The following KIF24 variants were observed in gnomAD, a reference collection of about 807,000 sequenced individuals.
KIF24 encodes kinesin-like protein KIF24.
A neutral mutation model predicts 118.9 loss-of-function variants in KIF24; 81 were observed. The ratio of observed to expected loss-of-function variants is 0.68; its 90% confidence interval spans 0.57 to 0.82. KIF24 has a LOEUF of 0.82. KIF24 is among the 40% of genes least tolerant of loss of function. KIF24 has a pLI of 0.00. For synonymous variants in KIF24, 599 were observed against 610.0 expected, an observed-to-expected ratio of 0.98 and a Z score of 0.27; for missense variants, 1,560 against 1,661.6, an observed-to-expected ratio of 0.94 and a Z score of 1.06.
At chr9:34,298,043 A>G (rs1656025530) in intron 3 of KIF24, among the ~76,000 whole-genome samples, 1 of 152,186 alleles carries the variant, frequency 6.6e-6, no homozygotes, top group Admixed American at 6.6e-5. Context: ...CTCTCTGATT[A>G]TGAAAAAGAC....
intron 3 of KIF24, among the ~76,000 whole-genome samples, chr9:34,297,515 C>A (rs545112855): frequency 6.6e-6 from 1 of 152,250 alleles, no homozygotes; most frequent in African/African-American, 2.4e-5. Flanking sequence ...GTAATCCCAA[C>A]ATTTTGGGAG....
intron 7 of KIF24, among the ~76,000 whole-genome samples, chr9:34,270,283 G>A (rs1363926084): frequency 6.6e-6 from 1 of 151,932 alleles, no homozygotes; most frequent in East Asian, 1.9e-4. Flanking sequence ...TTGGGAGGCT[G>A]AGGCGGGCGG....
intron 6 of KIF24, among the ~76,000 whole-genome samples, chr9:34,281,301 C>T (rs889309028): frequency 6.6e-6 from 1 of 152,208 alleles, no homozygotes; most frequent in African/African-American, 2.4e-5. Flanking sequence ...GCTGGAATTA[C>T]AGGCGTAAGC....
At position 34,256,925 on chromosome 9, in the gene KIF24, G is replaced by T. The variant is rs1834870158; in HGVS notation, c.2682C>A (p.Asp894Glu). ...TTCTGTGGTTTATGGGGTCCCTGGA[G>T]TCCACCCAGCTTTTAGTTAGATCTT... Reference protein sequence around the residue: ...DKKDLTKSWVDSRDPINHRRA... With the variant: ...DKKDLTKSWVESRDPINHRRA... Residue 894 changes from aspartate (D) to glutamate (E), a missense_variant, in exon 11 of 13, where the codon GAC becomes GAA. By Grantham distance (45) the Asp-to-Glu change is conservative. Coordinates refer to ENST00000402558, the MANE Select transcript of KIF24 (RefSeq NM_194313.4). The T allele has an allele frequency of 6.2e-7, 1 of 1,613,858 alleles. No homozygotes were observed.
intron 9 of KIF24, among the ~76,000 whole-genome samples, chr9:34,262,250 A>G (rs542371510): frequency 6.6e-6 from 1 of 152,212 alleles, no homozygotes; most frequent in Non-Finnish European, 1.5e-5. Flanking sequence ...TACACTGGAA[A>G]TAAACAGAAA....
intron 4 of KIF24, among the ~76,000 whole-genome samples, chr9:34,295,466 C>G (rs190628316): frequency 1.7e-3 from 255 of 152,138 alleles, no homozygotes; most frequent in African/African-American, 6.0e-3. Flanking sequence ...TGCTTGAGCC[C>G]AGAAATTCAA....
chr9:34,322,277 A>C (rs1007921342), intron 1 of KIF24, among the ~76,000 whole-genome samples: 3 of 152,152 alleles, frequency 2.0e-5, no homozygotes, highest in Non-Finnish European at 1.5e-5. Flanking sequence ...TATAGCAACC[A>C]ACTTTATTCA....
At position 34,311,166 on chromosome 9, in the gene KIF24, T is replaced by C; in HGVS notation, c.181A>G (p.Ile61Val). The change falls in exon 2 of 13, where the codon ATT (isoleucine) becomes GTT (valine). Residue 61 changes from isoleucine to valine, a missense_variant. Ile to Val is a conservative substitution (Grantham distance 29). Around this residue, in one of 3 missense-constraint regions of KIF24, gnomAD observed 964 missense variants for 988.0 expected, o/e 0.98. Transcript: ENST00000402558. ...RKRLFQLIKIIKIMQEEDKAV... is the reference protein window; with the variant it reads ...RKRLFQLIKIVKIMQEEDKAV... Reference sequence around the variant, plus strand: ...TTATCTTCTTCTTGCATAATCTTAATAATTTTGATAAGTTGGAAGAGACGT... The same window carrying C: ...TTATCTTCTTCTTGCATAATCTTAACAATTTTGATAAGTTGGAAGAGACGT... 2 of 1,613,520 alleles carry C rather than the reference T, an allele frequency of 1.2e-6. No homozygotes were observed. Among genetic ancestry groups the C allele is most frequent in the South Asian group, 2.2e-5 (2 of 91,040 alleles).
At position 34,318,723 on chromosome 9, in the gene KIF24, T is replaced by C; in HGVS notation, c.-25-7352A>G. On this transcript the variant is annotated intron_variant, in intron 1 of 12. Transcript: ENST00000402558. The surrounding 1 kb of genome is among the most constrained non-coding windows in gnomAD (Gnocchi z 4.9). Reference sequence around the variant, plus strand: ...GCCAAGCAGCTGAGCGACGAGGAGGTGCACGCCGGCGTGGGCGAGCCGCTG... The same window carrying C: ...GCCAAGCAGCTGAGCGACGAGGAGGCGCACGCCGGCGTGGGCGAGCCGCTG... 6.6e-7 allele frequency: 1 copy of C among 1,507,438 alleles called. No individual in the cohort carries two copies. Among genetic ancestry groups the C allele is most frequent in the East Asian group, 2.3e-5 (1 of 42,672 alleles). The allele number at this position is 1,507,438 out of a possible 1,614,324, so 93.4% of individuals were successfully genotyped here.
rs149340178 is a variant in KIF24, at chr9:34,255,887, G to T, written c.3720C>A (p.Asp1240Glu). The T allele has an allele frequency of 1.5e-4, 249 of 1,614,014 alleles. 3 individuals are homozygous for T. The African/African-American group carries it at 2.8e-3, about 18-fold the overall frequency. The change falls in exon 11 of 13, where the codon GAC (aspartate) becomes GAA (glutamate). Residue 1240 changes from aspartate (D) to glutamate (E), a missense_variant. By Grantham distance (45) the Asp-to-Glu change is conservative. Transcript: ENST00000402558. ...LGWQEFGLST[D>E]PIKLPCNSEN... ...CACTGTTGCAGGGCAACTTGATGGGGTCTGTGGACAAACCAAACTCCTGCC... is the reference window on the plus strand; with the variant it reads ...CACTGTTGCAGGGCAACTTGATGGGTTCTGTGGACAAACCAAACTCCTGCC...
At position 34,318,634 on chromosome 9, in the gene KIF24, G is replaced by A. The variant is rs1013347879; in HGVS notation, c.-25-7263C>T. 13 of 1,532,512 alleles carry A rather than the reference G, an allele frequency of 8.5e-6. No individual in the cohort carries two copies. Among genetic ancestry groups the A allele is most frequent in the African/African-American group, 8.1e-5 (6 of 74,340 alleles). 94.9% of individuals were successfully genotyped at this position (1,532,512 alleles called of 1,614,324 possible). A position where few individuals can be genotyped will look rare whatever the true frequency, so the allele number is the denominator to read the frequency against. On this transcript the variant is annotated intron_variant, in intron 1 of 12. Transcript: ENST00000402558. The surrounding 1 kb of genome is among the most constrained non-coding windows in gnomAD (Gnocchi z 4.9). ...TGTCGCCCGTGGTGGTGGCCTCGTC[G>A]TTGGGGCTCGTGTCGCTGGGCGGCA...
intron 3 of KIF24, among the ~76,000 whole-genome samples, chr9:34,303,378 C>T (rs749143448): frequency 6.6e-6 from 1 of 152,002 alleles, no homozygotes; most frequent in African/African-American, 2.4e-5. Context: ...TGTATTTTAC[C>T]AACAGTATTT....
chr9:34,290,139 G>T, intron 5 of KIF24, 35 bp downstream of exon 5: 1 of 1,444,314 alleles, frequency 6.9e-7, no homozygotes, highest in South Asian at 1.1e-5. Flanking sequence ...AAATAGCGAT[G>T]AACAGATTTA....
chr9:34,255,577 TGGAGGGCCCG>T (rs1275431480), intron 11 of KIF24, among the ~76,000 whole-genome samples, 148 bp downstream of exon 11: 1 of 152,152 alleles, frequency 6.6e-6, no homozygotes, highest in Non-Finnish European at 1.5e-5. Context: ...CTACTTCCTG[TGGAGGGCCCG>T]GGACCAAAGC....
chr9:34,282,285 G>T (rs192839499), intron 6 of KIF24, among the ~76,000 whole-genome samples: 1 of 152,144 alleles, frequency 6.6e-6, no homozygotes, highest in African/African-American at 2.4e-5. Flanking sequence ...ACAAAAGGTT[G>T]CATATTGTAT....
chr9:34,326,750 G>A (rs2131841143), intron 1 of KIF24, among the ~76,000 whole-genome samples: 1 of 152,252 alleles, frequency 6.6e-6, no homozygotes, highest in South Asian at 2.1e-4. Context: ...TATGTAGGGT[G>A]TACTGGGCCA....
chr9:34,294,361 T>A (rs1195497353), intron 4 of KIF24, among the ~76,000 whole-genome samples: 3 of 152,078 alleles, frequency 2.0e-5, no homozygotes, highest in Non-Finnish European at 4.4e-5. Flanking sequence ...TACAAGAATG[T>A]TCTGGCCATC....
At chr9:34,298,138 G>A (rs1474881805) in intron 3 of KIF24, among the ~76,000 whole-genome samples, 1 of 152,170 alleles carries the variant, frequency 6.6e-6, no homozygotes, top group Non-Finnish European at 1.5e-5. Context: ...CACAGGGGAA[G>A]TATGAACAGA....
chr9:34,327,499 A>T (rs1208316773), intron 1 of KIF24, among the ~76,000 whole-genome samples: 1 of 152,220 alleles, frequency 6.6e-6, no homozygotes, highest in Non-Finnish European at 1.5e-5. Context: ...CTATCTTAGC[A>T]GTAATGTGCT....
Sources: gnomAD v4.1 joint callset for allele counts (sites outside exome capture counted in the v4.1 genomes callset) on GRCh38, gnomAD v4.1.1 for gene constraint, gnomAD v4.1.1 regional missense constraint, Gnocchi (gnomAD v3.1) non-coding constraint, MANE v1.5 for transcripts, NCBI Gene and HGNC (gene_info 2026-07-23, HGNC 2026-07-21) for gene names.